Variants in CTNND1 observed in about 807,000 individuals in gnomAD.
CTNND1 encodes the protein catenin delta-1.
In CTNND1, 16 loss-of-function variants were observed where a neutral mutation model predicts 112.1. That is an observed-to-expected ratio of 0.14 (90% CI 0.10 to 0.22). The LOEUF (loss-of-function observed/expected upper bound fraction) is 0.22, where lower values mean the gene tolerates loss of function less well. Ranked by LOEUF, CTNND1 falls within the 10% of genes least tolerant of loss-of-function variation. CTNND1 has a pLI of 1.00. For synonymous variants in CTNND1, 420 were observed against 446.5 expected, an observed-to-expected ratio of 0.94 and a Z score of 0.75; for missense variants, 1,008 against 1,257.0, an observed-to-expected ratio of 0.80 and a Z score of 3.00.
At chr11:57,812,089 G>T (rs1189835975) in intron 17 of CTNND1, among the ~76,000 whole-genome samples, 1 of 152,130 alleles carries the variant, frequency 6.6e-6, no homozygotes, top group African/African-American at 2.4e-5. Flanking sequence ...TGTACTGATG[G>T]CACAGAAAGC....
intron 18 of CTNND1, 104 bp downstream of exon 18, chr11:57,814,477 T>C (rs1206723806): frequency 6.5e-6 from 5 of 774,198 alleles, no homozygotes; most frequent in Non-Finnish European, 1.1e-5. Flanking sequence ...CCATTTACCA[T>C]CCTGGGAGAG....
At position 57,771,907 on chromosome 11, in the gene CTNND1, T is replaced by C. The variant is rs371493746; in HGVS notation, c.-214+9788T>C. On this transcript the variant is annotated intron_variant, in intron 1 of 20. Coordinates refer to ENST00000399050, the MANE Select transcript of CTNND1 (RefSeq NM_001085458.2). ...TACTTAGAATAAGCTGATATGTTTT[T>C]GGGAAGTGGGATCAAAATTTTTCTT... is the stretch of plus-strand genomic sequence containing the variant. Among the ~76,000 whole-genome samples the C allele has an allele frequency of 3.5e-4, 53 of 152,146 alleles. 1 individual carries two copies. In the South Asian group the frequency reaches 0.01, roughly 29 times the overall value.
chr11:57,771,678 A>C (rs1952661981), intron 1 of CTNND1, among the ~76,000 whole-genome samples: 2 of 152,170 alleles, frequency 1.3e-5, no homozygotes, highest in African/African-American at 4.8e-5. Context: ...TACAAAGAAA[A>C]ATTATCTCCA....
intron 2 of CTNND1, among the ~76,000 whole-genome samples, chr11:57,790,317 C>G (rs1293491020): frequency 6.6e-6 from 1 of 151,860 alleles, no homozygotes; most frequent in African/African-American, 2.4e-5. Context: ...CTCAAGTGAT[C>G]CACCCACCTC....
chr11:57,782,189 C>A (rs1375094424), intron 1 of CTNND1, among the ~76,000 whole-genome samples: 4 of 152,004 alleles, frequency 2.6e-5, no homozygotes, highest in Non-Finnish European at 5.9e-5. Flanking sequence ...TTGTTTATAT[C>A]TTTGTTTTTT....
intron 1 of CTNND1, among the ~76,000 whole-genome samples, chr11:57,784,132 G>T (rs2059894458): frequency 6.6e-6 from 1 of 151,744 alleles, no homozygotes; most frequent in Non-Finnish European, 1.5e-5. Context: ...TGTTGCCCAG[G>T]CTGATCTTTA....
intron 1 of CTNND1, among the ~76,000 whole-genome samples, chr11:57,784,775 TG>T: frequency 1.3e-5 from 2 of 152,118 alleles, no homozygotes; most frequent in Non-Finnish European, 2.9e-5. Flanking sequence ...TAAAGTGCTG[TG>T]ATTACAGGCA....
At position 57,817,587 on chromosome 11, in the gene CTNND1, G is replaced by A. The variant is rs1277163825; in HGVS notation, c.*1279G>A. 1 of 152,642 alleles carries A rather than the reference G, an allele frequency of 6.6e-6. No homozygotes were observed. Among genetic ancestry groups the A allele is most frequent in the Non-Finnish European group, 1.5e-5 (1 of 68,044 alleles). The allele number at this position is 152,642 out of a possible 1,614,324, so 9.5% of individuals were successfully genotyped here. ...ATAGCCATGATTTCAGTCATAGCAAGCTTTTGCTCAACAGCATATGGGTGG... is the reference window on the plus strand; with the variant it reads ...ATAGCCATGATTTCAGTCATAGCAAACTTTTGCTCAACAGCATATGGGTGG... On this transcript the variant is annotated 3_prime_UTR_variant, in exon 21 of 21. Coordinates refer to ENST00000399050, the MANE Select transcript of CTNND1 (RefSeq NM_001085458.2).
At chr11:57,779,980 C>T (rs1265741283) in intron 1 of CTNND1, among the ~76,000 whole-genome samples, 1 of 151,932 alleles carries the variant, frequency 6.6e-6, no homozygotes, top group African/African-American at 2.4e-5. Context: ...CTCCATTCCA[C>T]CTTCTCTTGC....
intron 7 of CTNND1, among the ~76,000 whole-genome samples, chr11:57,802,728 T>A (rs1323216550): frequency 1.3e-5 from 2 of 152,220 alleles, no homozygotes; most frequent in Admixed American, 1.3e-4. Flanking sequence ...TTTTTCAGAT[T>A]GTGGGTTGTG....
rs924165465 is a variant in CTNND1, at chr11:57,814,105, A to T, written c.2639-206A>T. 1.2e-5 allele frequency: 6 copies of T among 516,878 alleles called. No individual in the cohort carries two copies. The African/African-American group carries it at 1.2e-4, about 10-fold the overall frequency. The allele number at this position is 516,878 out of a possible 1,614,324, so 32.0% of individuals were successfully genotyped here. A position where few individuals can be genotyped will look rare whatever the true frequency, so the allele number is the denominator to read the frequency against. On this transcript the variant is annotated intron_variant, in intron 17 of 20. Transcript: ENST00000399050. Reference sequence around the variant, plus strand: ...TGAGGTGGGAGAATCACTTGAGCCCAGGAGTTTCAGACCAGCCTGAGCAAC... The same window carrying T: ...TGAGGTGGGAGAATCACTTGAGCCCTGGAGTTTCAGACCAGCCTGAGCAAC...
chr11:57,775,844 T>C (rs1464112598), intron 1 of CTNND1, among the ~76,000 whole-genome samples: 1 of 152,210 alleles, frequency 6.6e-6, no homozygotes, highest in Non-Finnish European at 1.5e-5. Context: ...AGATGGGTGC[T>C]GTGTGTGCTC....
chr11:57,803,851 G>T, intron 8 of CTNND1, 47 bp downstream of exon 8: 17 of 1,333,016 alleles, frequency 1.3e-5, no homozygotes, highest in South Asian at 1.2e-4. Context: ...TTTGAGGACT[G>T]ACTTAAATTT....
chr11:57,809,447 G>C lies in CTNND1; in HGVS notation c.2416G>C (p.Val806Leu). ...AGAGACACAGGGTATTGAGAAGCTG[G>C]TGTTGATCAACAAATCAGGGTGAGC... ...LRETQGIEKLVLINKSGNRSE... is the reference protein window; with the variant it reads ...LRETQGIEKLLLINKSGNRSE... The change falls in exon 15 of 21, where the codon GTG becomes CTG. Residue 806 changes from valine (V) to leucine (L), a missense_variant. Val to Leu is a conservative substitution (Grantham distance 32). Transcript: ENST00000399050. The C allele has an allele frequency of 1.9e-6, 3 of 1,612,378 alleles. No homozygotes were observed. Among genetic ancestry groups the C allele is most frequent in the South Asian group, 2.2e-5 (2 of 90,786 alleles).
At chr11:57,763,410 C>T (rs560988960) in intron 1 of CTNND1, among the ~76,000 whole-genome samples, 1 of 152,134 alleles carries the variant, frequency 6.6e-6, no homozygotes, top group African/African-American at 2.4e-5. Flanking sequence ...CCCTCACCCC[C>T]CTGCCACAAA....
At chr11:57,768,262 T>C (rs1423593577) in intron 1 of CTNND1, among the ~76,000 whole-genome samples, 1 of 151,888 alleles carries the variant, frequency 6.6e-6, no homozygotes, top group Non-Finnish European at 1.5e-5. Flanking sequence ...TAATAGGTAA[T>C]ATTGGAGAGT....
intron 4 of CTNND1, 72 bp from the exon 5 acceptor site, chr11:57,795,499 ACTTATG>A: frequency 6.7e-7 from 1 of 1,482,074 alleles, no homozygotes; most frequent in Non-Finnish European, 9.1e-7. Context: ...CAGGTTTACC[ACTTATG>A]CTTCTTATTA....
At chr11:57,793,412 C>T (rs1461573198) in intron 3 of CTNND1, among the ~76,000 whole-genome samples, 1 of 152,150 alleles carries the variant, frequency 6.6e-6, no homozygotes, top group Non-Finnish European at 1.5e-5. Flanking sequence ...TGTTTTTGTA[C>T]TTGGAAAGGG....
chr11:57,816,074 C>A, intron 20 of CTNND1, 73 bp downstream of exon 20: 1 of 1,327,518 alleles, frequency 7.5e-7, no homozygotes, highest in Non-Finnish European at 1.0e-6. Context: ...TTGTCAATCA[C>A]GCTAATCTGA....
Sources: allele counts gnomAD v4.1 joint callset (sites outside exome capture counted in the v4.1 genomes callset), GRCh38; gene constraint gnomAD v4.1.1; transcripts MANE v1.5; gene names NCBI Gene and HGNC (gene_info 2026-07-23, HGNC 2026-07-21).